Variants in GRIK2 observed in about 807,000 individuals in gnomAD.
The protein encoded by GRIK2 is glutamate ionotropic receptor kainate type subunit 2.
A neutral mutation model predicts 100.3 loss-of-function variants in GRIK2; 32 were observed. That is an observed-to-expected ratio of 0.32 (90% CI 0.24 to 0.43). GRIK2 has a LOEUF of 0.43. Among genes scored for constraint, GRIK2 ranks in the 20% least tolerant of loss-of-function variants. The probability of loss-of-function intolerance (pLI) is 1.00; values close to 1 mark genes in which losing one functional copy is unlikely to be tolerated. For missense variants in GRIK2, 843 were observed against 1,114.9 expected, an observed-to-expected ratio of 0.76 and a Z score of 3.47; for synonymous variants, 417 against 389.4, an observed-to-expected ratio of 1.07 and a Z score of -0.83.
chr6:101,702,902 A>C (rs1346271192), intron 7 of GRIK2, among the ~76,000 whole-genome samples: 1 of 151,876 alleles, frequency 6.6e-6, no homozygotes, highest in Non-Finnish European at 1.5e-5. Context: ...AACCCAGCAC[A>C]CTGATAGGTT....
chr6:101,463,629 C>T (rs1264306919), intron 2 of GRIK2, among the ~76,000 whole-genome samples: 1 of 152,068 alleles, frequency 6.6e-6, no homozygotes, highest in East Asian at 1.9e-4. Context: ...ATAATTCTTT[C>T]TCAGTAAACC....
At chr6:101,452,881 C>T (rs1408907988) in intron 2 of GRIK2, among the ~76,000 whole-genome samples, 4 of 151,806 alleles carry the variant, frequency 2.6e-5, no homozygotes, top group African/African-American at 9.7e-5. Context: ...TTAATAGTCT[C>T]AGTCTCTACA....
At chr6:101,702,272 A>G (rs746513912) in intron 7 of GRIK2, among the ~76,000 whole-genome samples, 3 of 152,012 alleles carry the variant, frequency 2.0e-5, no homozygotes, top group African/African-American at 4.8e-5. Context: ...TGGATAATCC[A>G]TTATGTTTGG....
intron 14 of GRIK2, among the ~76,000 whole-genome samples, chr6:101,929,493 T>G (rs772542728): frequency 1.9e-3 from 286 of 152,284 alleles, no homozygotes; most frequent in Non-Finnish European, 3.4e-3. Flanking sequence ...AAAAAAATGA[T>G]TAATTCAAGC....
chr6:101,747,126 A>ATT (rs1443554344), intron 7 of GRIK2, among the ~76,000 whole-genome samples: 2 of 152,218 alleles, frequency 1.3e-5, no homozygotes, highest in Non-Finnish European at 2.9e-5. Context: ...TTGGTATCTT[A>ATT]AATCATGATT....
At chr6:101,957,888 T>A (rs1398680288) in intron 14 of GRIK2, among the ~76,000 whole-genome samples, 1 of 152,140 alleles carries the variant, frequency 6.6e-6, no homozygotes, top group Non-Finnish European at 1.5e-5. Flanking sequence ...GTGATCTATG[T>A]GTCTCTATTT....
intron 7 of GRIK2, among the ~76,000 whole-genome samples, chr6:101,737,673 A>G (rs550058748): frequency 2.6e-4 from 40 of 152,202 alleles, no homozygotes; most frequent in Non-Finnish European, 5.4e-4. Flanking sequence ...ATCACATGGT[A>G]TCATGGTGAA....
chr6:101,867,310 A>G (rs187555417), intron 11 of GRIK2, among the ~76,000 whole-genome samples: 69 of 152,146 alleles, frequency 4.5e-4, no homozygotes, highest in Middle Eastern at 3.4e-3. Context: ...ACATTCTGTG[A>G]TTATAATCTC....
chr6:101,809,970 T>C (rs1406407786), intron 9 of GRIK2, among the ~76,000 whole-genome samples: 2 of 152,004 alleles, frequency 1.3e-5, no homozygotes, highest in African/African-American at 4.8e-5. Flanking sequence ...ATTGCCTTAT[T>C]TGAGGTCACA....
intron 14 of GRIK2, among the ~76,000 whole-genome samples, chr6:101,962,860 T>A (rs772560546): frequency 1.3e-5 from 2 of 152,090 alleles, no homozygotes; most frequent in Non-Finnish European, 2.9e-5. Context: ...TCCTTATTTC[T>A]GTATAGCCTC....
At chr6:101,828,006 C>CT (rs1263660735) in intron 10 of GRIK2, among the ~76,000 whole-genome samples, 1 of 151,980 alleles carries the variant, frequency 6.6e-6, no homozygotes, top group African/African-American at 2.4e-5. Flanking sequence ...ATAACATACT[C>CT]TAAGATTGAC....
intron 12 of GRIK2, among the ~76,000 whole-genome samples, chr6:101,912,622 A>C: frequency 6.6e-6 from 1 of 151,544 alleles, no homozygotes; most frequent in South Asian, 2.1e-4. Context: ...CCTCAGTTTC[A>C]TGAAGAGATC....
chr6:101,439,378 G>A (rs949299376), intron 2 of GRIK2, among the ~76,000 whole-genome samples: 3 of 152,090 alleles, frequency 2.0e-5, no homozygotes, highest in Non-Finnish European at 4.4e-5. Flanking sequence ...CAGCCATGTA[G>A]TGTGTAATGA....
At chr6:101,700,858 G>C (rs982486803) in intron 7 of GRIK2, among the ~76,000 whole-genome samples, 1 of 152,106 alleles carries the variant, frequency 6.6e-6, no homozygotes, top group Admixed American at 6.6e-5. Context: ...TAGAGCCCAG[G>C]GGGCTCAAAG....
intron 16 of GRIK2, among the ~76,000 whole-genome samples, 155 bp from the exon 17 acceptor site, chr6:102,068,192 T>C (rs1772111188): frequency 6.6e-6 from 1 of 151,950 alleles, no homozygotes; most frequent in Non-Finnish European, 1.5e-5. Context: ...GTTGAGTGTT[T>C]AAAGTGTGAC....
At chr6:101,888,344 G>C (rs1280546207) in intron 11 of GRIK2, among the ~76,000 whole-genome samples, 1 of 152,112 alleles carries the variant, frequency 6.6e-6, no homozygotes, top group African/African-American at 2.4e-5. Flanking sequence ...AATAATAGTA[G>C]GATTATGTAA....
At chr6:101,792,072 C>T (rs1249604924) in intron 7 of GRIK2, among the ~76,000 whole-genome samples, 7 of 151,936 alleles carry the variant, frequency 4.6e-5, no homozygotes, top group African/African-American at 1.7e-4. Context: ...CGATCTTCCT[C>T]CATCCTTTTA....
intron 10 of GRIK2, among the ~76,000 whole-genome samples, chr6:101,852,481 G>A (rs1455089519): frequency 6.6e-6 from 1 of 152,030 alleles, no homozygotes. Flanking sequence ...TGGCTTCCCC[G>A]GTTGACCAGA....
intron 7 of GRIK2, among the ~76,000 whole-genome samples, chr6:101,764,196 G>A (rs1583102269): frequency 1.3e-5 from 2 of 151,906 alleles, no homozygotes; most frequent in Non-Finnish European, 2.9e-5. Context: ...TTGCTCTTGT[G>A]GTTCCAATCC....
Sources: gnomAD v4.1 joint callset for allele counts (sites outside exome capture counted in the v4.1 genomes callset) on GRCh38, gnomAD v4.1.1 for gene constraint, MANE v1.5 for transcripts, NCBI Gene and HGNC (gene_info 2026-07-23, HGNC 2026-07-21) for gene names.